Variants in FRY observed in about 807,000 individuals in gnomAD.
FRY encodes protein furry homolog.
A neutral mutation model predicts 348.4 loss-of-function variants in FRY; 128 were observed. The ratio of observed to expected loss-of-function variants is 0.37; its 90% confidence interval spans 0.32 to 0.43. The LOEUF (loss-of-function observed/expected upper bound fraction) is 0.43, where lower values mean the gene tolerates loss of function less well. Ranked by LOEUF, FRY falls within the 20% of genes least tolerant of loss-of-function variation. The pLI, the probability that FRY is intolerant of heterozygous loss-of-function variation, is 1.00. For missense variants in FRY, 2,736 were observed against 3,695.2 expected, an observed-to-expected ratio of 0.74 and a Z score of 6.73; for synonymous variants, 1,370 against 1,374.7, an observed-to-expected ratio of 1.00 and a Z score of 0.08.
intron 39 of FRY, 76 bp downstream of exon 39, chr13:32,226,050 C>G: frequency 7.9e-7 from 1 of 1,263,520 alleles, no homozygotes; most frequent in South Asian, 1.2e-5. Flanking sequence ...GCCAGTGGAG[C>G]CCAAGTTAAC....
intron 35 of FRY, 53 bp downstream of exon 35, chr13:32,212,435 T>G: frequency 9.9e-7 from 1 of 1,009,480 alleles, no homozygotes; most frequent in Non-Finnish European, 1.5e-6. Flanking sequence ...CAATAATCTA[T>G]ACATAGACAT....
chr13:32,255,294 C>A (rs1437958208), intron 51 of FRY, among the ~76,000 whole-genome samples: 1 of 152,112 alleles, frequency 6.6e-6, no homozygotes, highest in Non-Finnish European at 1.5e-5. Flanking sequence ...AAGAGGCAGG[C>A]CTAGATCCCA....
At chr13:32,187,442 C>G in intron 27 of FRY, 104 bp from the exon 28 acceptor site, 1 of 740,872 alleles carries the variant, frequency 1.3e-6, no homozygotes, top group South Asian at 1.4e-5. Context: ...TTTAGAGGGC[C>G]CTTATCATTT....
At chr13:32,184,891 G>A in intron 25 of FRY, 85 bp from the exon 26 acceptor site, 3 of 1,209,312 alleles carry the variant, frequency 2.5e-6, no homozygotes, top group Admixed American at 1.7e-5. Flanking sequence ...TGTGAGTTGT[G>A]ACAGTGAATC....
intron 1 of FRY, among the ~76,000 whole-genome samples, chr13:32,038,948 A>T (rs1872649855): frequency 1.3e-5 from 2 of 152,174 alleles, no homozygotes; most frequent in Non-Finnish European, 2.9e-5. Flanking sequence ...CCAGGCTCTC[A>T]GAGCTTCCTT....
In FRY at chr13:32,236,190, G is replaced by A. The variant is rs993524401; in HGVS notation, c.5810+18G>A. ...TTGTCCCGGTGAGAATCAGCTTAAT[G>A]ATACTTTGACATCAAGTATACTGCA... On this transcript the variant is annotated intron_variant, in intron 43 of 60. Transcript: ENST00000542859. The A allele has an allele frequency of 2.3e-5, 35 of 1,543,160 alleles. No homozygotes were observed. Among genetic ancestry groups the A allele is most frequent in the Middle Eastern group, 1.7e-4 (1 of 5,918 alleles).
chr13:32,230,693 C>T (rs983823588), intron 40 of FRY, among the ~76,000 whole-genome samples: 2 of 152,258 alleles, frequency 1.3e-5, no homozygotes, highest in South Asian at 4.2e-4. Flanking sequence ...ATTGCTGGGT[C>T]GAATGGTATT....
intron 1 of FRY, among the ~76,000 whole-genome samples, chr13:32,078,219 A>G (rs949213508): frequency 1.5e-4 from 23 of 152,210 alleles, no homozygotes; most frequent in African/African-American, 5.5e-4. Flanking sequence ...AGGTGTCTCA[A>G]CTTGAGCCAA....
In FRY at chr13:32,178,571, A is replaced by G. The variant is rs557871374; in HGVS notation, c.2681+135A>G. ...TACTAGAGAATTCTTAACATTGAGT[A>G]AAAACATTAAAAAAATTTTGTCTAA... is the stretch of plus-strand genomic sequence containing the variant. On this transcript the variant is annotated intron_variant, in intron 21 of 60. Transcript: ENST00000542859. 5.9e-6 allele frequency: 6 copies of G among 1,017,750 alleles called. No individual in the cohort carries two copies. In the Admixed American group the frequency reaches 1.2e-4, roughly 20 times the overall value. 63.0% of individuals were successfully genotyped at this position (1,017,750 alleles called of 1,614,324 possible). A position where few individuals can be genotyped will look rare whatever the true frequency, so the allele number is the denominator to read the frequency against.
intron 1 of FRY, among the ~76,000 whole-genome samples, chr13:32,050,126 T>C (rs1327652224): frequency 1.3e-5 from 2 of 152,172 alleles, no homozygotes; most frequent in African/African-American, 4.8e-5. Flanking sequence ...TGGCGGAGAT[T>C]TTCTTTGGTT....
intron 29 of FRY, among the ~76,000 whole-genome samples, chr13:32,196,027 C>T (rs542299804): frequency 4.6e-5 from 7 of 152,254 alleles, no homozygotes; most frequent in African/African-American, 1.4e-4. Flanking sequence ...TCCAGAGAGG[C>T]TTGAGCAGTC....
rs1566118311 is a variant in FRY, at chr13:32,186,142, A to G, written c.3320-118A>G. The G allele has an allele frequency of 6.0e-6, 5 of 831,622 alleles. No individual in the cohort carries two copies. The East Asian group carries it at 7.3e-5, about 12-fold the overall frequency. 51.5% of individuals were successfully genotyped at this position (831,622 alleles called of 1,614,324 possible). A position where few individuals can be genotyped will look rare whatever the true frequency, so the allele number is the denominator to read the frequency against. On this transcript the variant is annotated intron_variant, in intron 26 of 60. Transcript: ENST00000542859. ...TTTTTAAGTGCATGTTTCATTGCCT[A>G]AAGAAAACTGTAGTTAAAAAATGAA...
intron 35 of FRY, among the ~76,000 whole-genome samples, 187 bp from the exon 36 acceptor site, chr13:32,218,562 C>G (rs1885131418): frequency 6.6e-6 from 1 of 151,722 alleles, no homozygotes; most frequent in Non-Finnish European, 1.5e-5. Flanking sequence ...ACCTGTAATC[C>G]CAGCTACTTG....
intron 44 of FRY, 95 bp downstream of exon 44, chr13:32,238,081 A>G (rs759697558): frequency 9.0e-5 from 125 of 1,389,376 alleles, no homozygotes; most frequent in Non-Finnish European, 1.2e-4. Context: ...GCTTTTAACA[A>G]TTCTGCTTAA....
At chr13:32,109,866 C>T (rs76860086) in intron 3 of FRY, among the ~76,000 whole-genome samples, 5,570 of 152,114 alleles carry the variant, frequency 0.037, 96 homozygotes, top group African/African-American at 0.043. Flanking sequence ...AAGTAAAGAA[C>T]GTCATAAAGA....
At chr13:32,281,549 G>A (rs1403795960) in intron 58 of FRY, among the ~76,000 whole-genome samples, 1 of 152,192 alleles carries the variant, frequency 6.6e-6, no homozygotes, top group African/African-American at 2.4e-5. Context: ...TCTGAGTCTG[G>A]TGTTTCCAAT....
chr13:32,089,385 G>A (rs922166333), intron 2 of FRY, among the ~76,000 whole-genome samples: 1 of 152,126 alleles, frequency 6.6e-6, no homozygotes, highest in South Asian at 2.1e-4. Context: ...AGGCAGGGGG[G>A]TTGGAATATT....
intron 1 of FRY, among the ~76,000 whole-genome samples, chr13:32,068,911 C>CTTTT (rs142807722): frequency 9.7e-5 from 8 of 82,866 alleles, no homozygotes; most frequent in Non-Finnish European, 1.6e-4. Context: ...ATGTTCAATT[C>CTTTT]TTTTTTTTTT....
At chr13:32,062,914 G>A (rs1454208891) in intron 1 of FRY, among the ~76,000 whole-genome samples, 3 of 149,172 alleles carry the variant, frequency 2.0e-5, no homozygotes, top group Non-Finnish European at 3.0e-5. Context: ...CATATATAAT[G>A]CATATGCATA....
Sources: gnomAD v4.1 joint callset for allele counts (sites outside exome capture counted in the v4.1 genomes callset) on GRCh38, gnomAD v4.1.1 for gene constraint, MANE v1.5 for transcripts, NCBI Gene and HGNC (gene_info 2026-07-23, HGNC 2026-07-21) for gene names.